CTNND2: variants seen among roughly 807,000 people sequenced by gnomAD.
CTNND2 encodes catenin delta 2.
In CTNND2, 22 loss-of-function variants were observed where a neutral mutation model predicts 144.4. That is an observed-to-expected ratio of 0.15 (90% CI 0.11 to 0.22). The LOEUF (loss-of-function observed/expected upper bound fraction) is 0.22. Among genes scored for constraint, CTNND2 ranks in the 10% least tolerant of loss-of-function variants. The pLI is 1.00. For synonymous variants in CTNND2, 751 were observed against 695.6 expected, an observed-to-expected ratio of 1.08 and a Z score of -1.25; for missense variants, 1,353 against 1,618.8, an observed-to-expected ratio of 0.84 and a Z score of 2.82.
At chr5:11,359,878 A>T (rs1756269377) in intron 8 of CTNND2, among the ~76,000 whole-genome samples, 1 of 152,144 alleles carries the variant, frequency 6.6e-6, no homozygotes, top group Non-Finnish European at 1.5e-5. Context: ...GCTTCATGAA[A>T]TCCTATTGTC....
intron 1 of CTNND2, among the ~76,000 whole-genome samples, chr5:11,868,863 T>C (rs35545166): frequency 0.21 from 31,807 of 152,106 alleles, 3,922 homozygotes; most frequent in Non-Finnish European, 0.28. Flanking sequence ...CCCTGGACCT[T>C]AGACTTCTCA....
intron 1 of CTNND2, among the ~76,000 whole-genome samples, chr5:11,875,461 T>C (rs10462680): frequency 0.58 from 88,216 of 152,048 alleles, 25,691 homozygotes; most frequent in South Asian, 0.65. Context: ...ATCTTTGTGC[T>C]TCTCTCCCAC....
At chr5:11,814,218 A>G (rs4701923) in intron 1 of CTNND2, among the ~76,000 whole-genome samples, 150,345 of 152,340 alleles carry the variant, frequency 0.99, 74,218 homozygotes, top group Middle Eastern at 1. Context: ...TTTTTTACAT[A>G]AATATAAAAT....
At chr5:11,217,975 A>C (rs963385604) in intron 10 of CTNND2, among the ~76,000 whole-genome samples, 1 of 151,954 alleles carries the variant, frequency 6.6e-6, no homozygotes, top group African/African-American at 2.4e-5. Flanking sequence ...GACCACCTTA[A>C]AAAATAAATC....
At chr5:11,389,487 A>C (rs1759423571) in intron 6 of CTNND2, among the ~76,000 whole-genome samples, 1 of 129,884 alleles carries the variant, frequency 7.7e-6, no homozygotes, top group Admixed American at 7.7e-5. Context: ...TTTACATTAC[A>C]TGGTGTGTGT....
At chr5:11,895,577 C>A (rs956599743) in intron 1 of CTNND2, among the ~76,000 whole-genome samples, 2 of 152,138 alleles carry the variant, frequency 1.3e-5, no homozygotes, top group Non-Finnish European at 2.9e-5. Context: ...CTGGGACACA[C>A]GAAATCAGCA....
chr5:11,174,857 T>G (rs1168623398), intron 11 of CTNND2, among the ~76,000 whole-genome samples: 1 of 152,210 alleles, frequency 6.6e-6, no homozygotes, highest in African/African-American at 2.4e-5. Context: ...GAAAACAATT[T>G]AGAAAAAGTG....
intron 6 of CTNND2, among the ~76,000 whole-genome samples, chr5:11,387,042 C>T (rs554209510): frequency 1.4e-4 from 22 of 152,214 alleles, no homozygotes; most frequent in African/African-American, 5.1e-4. Context: ...ATATTATAAT[C>T]TCCAAGGGTG....
At chr5:11,420,269 A>G (rs900303082) in intron 3 of CTNND2, among the ~76,000 whole-genome samples, 4 of 152,048 alleles carry the variant, frequency 2.6e-5, no homozygotes, top group African/African-American at 9.7e-5. Flanking sequence ...GTTGCAGTGA[A>G]CCGAGATGGC....
chr5:11,761,343 A>C (rs1220992613), intron 1 of CTNND2, among the ~76,000 whole-genome samples: 2 of 152,232 alleles, frequency 1.3e-5, no homozygotes, highest in Admixed American at 6.6e-5. Flanking sequence ...TGTACCACAC[A>C]TATAATTTGC....
At chr5:11,136,228 C>T (rs1382131327) in intron 12 of CTNND2, among the ~76,000 whole-genome samples, 1 of 152,132 alleles carries the variant, frequency 6.6e-6, no homozygotes, top group African/African-American at 2.4e-5. Flanking sequence ...CTGGTCTAAG[C>T]TGTTTTGTTA....
chr5:11,451,744 C>A (rs547947860), intron 3 of CTNND2, among the ~76,000 whole-genome samples: 8 of 152,278 alleles, frequency 5.3e-5, no homozygotes, highest in Admixed American at 2.0e-4. Flanking sequence ...ATAATTCGCA[C>A]GTTCAAGATC....
rs80183140 is a variant in CTNND2, at chr5:11,828,499, C to T, written c.37+75318G>A. Among the ~76,000 whole-genome samples, 528 of 152,140 alleles carry T rather than the reference C, an allele frequency of 3.5e-3. 9 individuals are homozygous for T. The East Asian group carries it at 0.035, about 10-fold the overall frequency. ...GAGCCAAGATCATGCCACTGGACTC[C>T]GGCCTGGGCAACAAGAGTGAAACTC... On this transcript the variant is annotated intron_variant, in intron 1 of 21. Coordinates refer to ENST00000304623, the MANE Select transcript of CTNND2 (RefSeq NM_001332.4).
At chr5:11,234,136 A>T (rs1450699162) in intron 10 of CTNND2, among the ~76,000 whole-genome samples, 1 of 152,146 alleles carries the variant, frequency 6.6e-6, no homozygotes, top group Non-Finnish European at 1.5e-5. Context: ...CAGCAAAATT[A>T]AAAAATAAAC....
At chr5:11,715,299 T>C (rs1786289117) in intron 2 of CTNND2, among the ~76,000 whole-genome samples, 1 of 152,168 alleles carries the variant, frequency 6.6e-6, no homozygotes, top group African/African-American at 2.4e-5. Flanking sequence ...AAGCATTACA[T>C]CTTCAGGTTG....
intron 2 of CTNND2, among the ~76,000 whole-genome samples, chr5:11,610,056 C>T (rs769590078): frequency 7.9e-5 from 12 of 152,140 alleles, no homozygotes; most frequent in Non-Finnish European, 1.2e-4. Flanking sequence ...ATATAAGTGC[C>T]GATGACAAAG....
intron 9 of CTNND2, among the ~76,000 whole-genome samples, chr5:11,278,230 A>T (rs979603574): frequency 1.3e-5 from 2 of 152,110 alleles, no homozygotes; most frequent in Non-Finnish European, 2.9e-5. Flanking sequence ...ACTACAGATA[A>T]GCTTTCCCTC....
intron 3 of CTNND2, among the ~76,000 whole-genome samples, chr5:11,502,667 C>T (rs1770652652): frequency 6.6e-6 from 1 of 152,060 alleles, no homozygotes; most frequent in East Asian, 1.9e-4. Flanking sequence ...ACAAAGAATC[C>T]GGGAACATTT....
chr5:11,045,284 G>C (rs1166010467), intron 16 of CTNND2, among the ~76,000 whole-genome samples: 2 of 152,170 alleles, frequency 1.3e-5, no homozygotes, highest in Non-Finnish European at 2.9e-5. Context: ...CTTTTGGTAA[G>C]GGCTTCAGAA....
Sources: allele counts gnomAD v4.1 joint callset (sites outside exome capture counted in the v4.1 genomes callset), GRCh38; gene constraint gnomAD v4.1.1; transcripts MANE v1.5; gene names NCBI Gene and HGNC (gene_info 2026-07-23, HGNC 2026-07-21).